MYO1C: variants seen among roughly 807,000 people sequenced by gnomAD.
MYO1C encodes the protein myosin IC.
In MYO1C, 104 loss-of-function variants were observed where a neutral mutation model predicts 150.8. The observed-to-expected ratio is 0.69, with a 90% CI of 0.59 to 0.81. MYO1C has a LOEUF of 0.81. MYO1C is among the 30% of genes least tolerant of loss of function. The pLI is 0.00. For missense variants in MYO1C, 1,504 were observed against 1,435.0 expected, an observed-to-expected ratio of 1.05 and a Z score of -0.78; for synonymous variants, 663 against 579.9, an observed-to-expected ratio of 1.14 and a Z score of -2.06.
intron 5 of MYO1C, 80 bp from the exon 6 acceptor site, chr17:1,480,965 C>T (rs1369418420): frequency 2.0e-6 from 3 of 1,525,218 alleles, no homozygotes; most frequent in Non-Finnish European, 2.7e-6. Flanking sequence ...CCCTGCACTC[C>T]TGGGCTTTGG....
intron 3 of MYO1C, 147 bp downstream of exon 3, chr17:1,483,463 T>TCC: frequency 1.5e-6 from 1 of 658,836 alleles, no homozygotes; most frequent in Non-Finnish European, 2.7e-6. Context: ...GACATTCATC[T>TCC]CTGGTCACTG....
In MYO1C at chr17:1,465,762, C is replaced by A. The variant is rs372045110; in HGVS notation, c.3166-10G>T. 1.5e-6 allele frequency: 2 copies of A among 1,319,268 alleles called. No homozygotes were observed. The highest frequency in any genetic ancestry group is 5.6e-5 in the East Asian group (2 of 35,704). 81.7% of individuals were successfully genotyped at this position (1,319,268 alleles called of 1,614,324 possible). ...TCAGCCGTGGGGCGACCTGTGGGGG[C>A]GGAGAGAGACGGCCAAGTGGTGAGG... On this transcript the variant is annotated splice_polypyrimidine_tract_variant and intron_variant, in intron 31 of 31. Coordinates refer to ENST00000648651, the MANE Select transcript of MYO1C (RefSeq NM_001080779.2).
intron 25 of MYO1C, 176 bp downstream of exon 25, chr17:1,469,355 T>C (rs1035522008): frequency 7.6e-6 from 5 of 655,578 alleles, no homozygotes; most frequent in Non-Finnish European, 1.4e-5. Flanking sequence ...GTAAATACGG[T>C]AGACTGGGGT....
Position 1,483,726 on chromosome 17 carries a change from C to G in MYO1C, c.232-1G>C. On this transcript the variant is annotated splice_acceptor_variant, in intron 2 of 31. Transcript: ENST00000648651. LOFTEE classifies it high-confidence loss of function. ...AGACCAGGACGGGGCCAATGTAGGT[C>G]TGGGATCGGGGGAAGAGGGTCCAAA... 1 of 1,606,544 alleles carries G rather than the reference C, an allele frequency of 6.2e-7. No homozygotes were observed. The highest frequency in any genetic ancestry group is 1.3e-5 in the African/African-American group (1 of 74,938).
intron 1 of MYO1C, among the ~76,000 whole-genome samples, chr17:1,488,054 C>A (rs920622826): frequency 6.6e-6 from 1 of 152,172 alleles, no homozygotes; most frequent in Non-Finnish European, 1.5e-5. Context: ...TCAGCTCTCT[C>A]CCTGCCCCGC....
chr17:1,487,625 T>C (rs1454791744), intron 1 of MYO1C, among the ~76,000 whole-genome samples: 1 of 151,496 alleles, frequency 6.6e-6, no homozygotes, highest in Non-Finnish European at 1.5e-5. Context: ...AGGTTTAAAA[T>C]CTAGAGGGAG....
chr17:1,474,863 G>C lies in MYO1C; in HGVS notation c.1670-5C>G. The C allele has an allele frequency of 1.2e-6, 2 of 1,614,122 alleles. No homozygotes were observed. Among genetic ancestry groups the C allele is most frequent in the Non-Finnish European group, 1.7e-6 (2 of 1,179,990 alleles). On this transcript the variant is annotated splice_polypyrimidine_tract_variant and splice_region_variant and intron_variant, in intron 15 of 31. Transcript: ENST00000648651. ...CATTGTTTTTGTCCAGAAACCCTGGGAGGGGAGAACCGACGTGAGGTGAGA... is the reference window on the plus strand; with the variant it reads ...CATTGTTTTTGTCCAGAAACCCTGGCAGGGGAGAACCGACGTGAGGTGAGA...
chr17:1,484,040 CAA>C (rs375403851), intron 2 of MYO1C, 106 bp downstream of exon 2: 5,806 of 1,145,340 alleles, frequency 5.1e-3, no homozygotes, highest in Non-Finnish European at 5.7e-3. Flanking sequence ...GAAACTGTCT[CAA>C]AAAAAAAAAA....
intron 29 of MYO1C, 130 bp downstream of exon 29, chr17:1,467,710 C>A (rs1162473753): frequency 1.2e-6 from 1 of 827,576 alleles, no homozygotes. Flanking sequence ...CACCTCCTGA[C>A]CCCCCAATCT....
In MYO1C at chr17:1,467,324, C is replaced by T. The variant is rs1350980425; in HGVS notation, c.3083G>A (p.Gly1028Asp). The T allele has an allele frequency of 2.5e-6, 4 of 1,612,920 alleles. No individual in the cohort carries two copies. Among genetic ancestry groups the T allele is most frequent in the Admixed American group, 1.7e-5 (1 of 59,900 alleles). ...GTCAATGGTGCCATCCCTGCCGGGG[C>T]CCCCTGCAAACGTGATGCTGGGGGA... ...INQGSITFAGGPGRDGTIDFT... is the reference protein window; with the variant it reads ...INQGSITFAGDPGRDGTIDFT... Residue 1028 changes from glycine to aspartate, a missense_variant, in exon 31 of 32, where the codon GGC becomes GAC. Physicochemically the swap from Gly to Asp is moderately conservative, Grantham distance 94 (BLOSUM62 -1). Coordinates refer to ENST00000648651, the MANE Select transcript of MYO1C (RefSeq NM_001080779.2).
intron 24 of MYO1C, 140 bp downstream of exon 24, chr17:1,470,035 A>C (rs573468536): frequency 2.2e-6 from 2 of 925,326 alleles, no homozygotes; most frequent in South Asian, 3.8e-5. Context: ...TCAAAAAAAA[A>C]AGAGACCTTA....
Position 1,470,250 on chromosome 17 carries a change from C to G in MYO1C, c.2451G>C (p.Leu817Phe), listed in dbSNP as rs2074271787. 1 of 1,604,034 alleles carries G rather than the reference C, an allele frequency of 6.2e-7. No homozygotes were observed. Among genetic ancestry groups the G allele is most frequent in the South Asian group, 1.1e-5 (1 of 90,118 alleles). The change falls in exon 24 of 32, where the codon TTG (leucine) becomes TTC (phenylalanine). Residue 817 changes from leucine to phenylalanine, a missense_variant. Physicochemically the swap from Leu to Phe is conservative, Grantham distance 22 (BLOSUM62 0). Transcript: ENST00000648651. ...FFLDHVRTSF[L>F]LNLRRQLPQN... ...GGGGCAGCTGCCGCCTCAGGTTTAG[C>G]AAAAAAGAGGTGCGCACATGGTCCA...
Position 1,479,941 on chromosome 17 carries a change from T to C in MYO1C, c.907-236A>G, listed in dbSNP as rs1342065944. On this transcript the variant is annotated intron_variant, in intron 7 of 31. Coordinates refer to ENST00000648651, the MANE Select transcript of MYO1C (RefSeq NM_001080779.2). This position sits in a 1 kb window ranked among gnomAD's most constrained non-coding sequence, Gnocchi z 4.2. ...CGGGAGGATCATCTGAGGTCAGGAG[T>C]TCGAGACCAGCCCAGCCAACATGGC... Among the ~76,000 whole-genome samples, 1 of 149,276 alleles carries C rather than the reference T, an allele frequency of 6.7e-6. No homozygotes were observed. Among genetic ancestry groups the C allele is most frequent in the Non-Finnish European group, 1.5e-5 (1 of 67,112 alleles).
intron 25 of MYO1C, chr17:1,469,225 T>C: frequency 2.4e-6 from 1 of 423,712 alleles, no homozygotes; most frequent in Non-Finnish European, 4.5e-6. Flanking sequence ...CAAAATACGG[T>C]AGACCGGGGT....
chr17:1,470,657 G>A lies in MYO1C; in HGVS notation c.2245C>T (p.His749Tyr). 6.2e-7 allele frequency: 1 copy of A among 1,610,280 alleles called. No homozygotes were observed. Among genetic ancestry groups the A allele is most frequent in the Non-Finnish European group, 8.5e-7 (1 of 1,179,812 alleles). Residue 749 changes from histidine (H) to tyrosine (Y), a missense_variant, in exon 22 of 32, where the codon CAC (histidine) becomes TAC (tyrosine). Physicochemically the swap from His to Tyr is moderately conservative, Grantham distance 83 (BLOSUM62 2). Transcript: ENST00000648651. ...ACCCGGAGGAATTTCTGCCGCCAGT[G>A]AAAGCCCCTCCAGGCAGCTTGGATC... Reference protein sequence around the residue: ...TKIQAAWRGFHWRQKFLRVKR... With the variant: ...TKIQAAWRGFYWRQKFLRVKR...
rs908807429 is a variant in MYO1C at position 1,468,106 on chromosome 17, C to T, written c.2778G>A (p.Val926=). 6.2e-7 allele frequency: 1 copy of T among 1,613,558 alleles called. No individual in the cohort carries two copies. The highest frequency in any genetic ancestry group is 1.3e-5 in the African/African-American group (1 of 74,986). Residue 926 remains valine, a synonymous_variant, in exon 28 of 32, where the codon GTG becomes GTA. Transcript: ENST00000648651. ...SEPIQYAVPV[V]KYDRKGYKPR... ...GCTTGTAGCCCTTGCGGTCGTATTT[C>T]ACAACAGGCACCGCATACTGGGGAC...
intron 24 of MYO1C, 44 bp from the exon 25 acceptor site, chr17:1,469,658 C>G: frequency 6.7e-7 from 1 of 1,488,408 alleles, no homozygotes; most frequent in Non-Finnish European, 9.3e-7. Flanking sequence ...ACCCTGGGCC[C>G]TTCCCTCTGA....
chr17:1,490,751 C>CT (rs1464100015), intron 1 of MYO1C, among the ~76,000 whole-genome samples: 1 of 152,134 alleles, frequency 6.6e-6, no homozygotes, highest in East Asian at 1.9e-4. Flanking sequence ...CGAGACCCCC[C>CT]TGCTGTCCCC....
chr17:1,485,778 C>T lies in MYO1C; in HGVS notation c.76-1475G>A, dbSNP rs189114107. On this transcript the variant is annotated intron_variant, in intron 1 of 31. Transcript: ENST00000648651. ...CGGGTCCCGGGCTCGGCGGCGGTGG[C>T]GGCGGCGTCAGCGAGGGAGGGCCCG... 65,978 of 982,676 alleles carry T rather than the reference C, an allele frequency of 0.067. 2,492 individuals are homozygous for T. The highest frequency in any genetic ancestry group is 0.074 in the Non-Finnish European group (60,240 of 816,020). 60.9% of individuals were successfully genotyped at this position (982,676 alleles called of 1,614,324 possible).
Sources: gnomAD v4.1 joint callset for allele counts (sites outside exome capture counted in the v4.1 genomes callset) on GRCh38, gnomAD v4.1.1 for gene constraint, Gnocchi (gnomAD v3.1) non-coding constraint, MANE v1.5 for transcripts, NCBI Gene and HGNC (gene_info 2026-07-23, HGNC 2026-07-21) for gene names.